The following PPM1E variants were observed in gnomAD, a reference collection of about 807,000 sequenced individuals.
PPM1E encodes protein phosphatase, Mg2+/Mn2+ dependent 1E.
PPM1E carries 20 observed loss-of-function variants against 65.9 expected under a neutral mutation model. The observed-to-expected ratio is 0.30, with a 90% CI of 0.21 to 0.44. PPM1E has a LOEUF of 0.44. Among genes scored for constraint, PPM1E ranks in the 20% least tolerant of loss-of-function variants. The pLI is 1.00. For missense variants in PPM1E, 713 were observed against 953.1 expected (o/e 0.75, Z 3.32); for synonymous variants, 352 against 374.9 (o/e 0.94, Z 0.70).
chr17:58,975,922 G>C (rs995205870), intron 6 of PPM1E, among the ~76,000 whole-genome samples: 1 of 152,130 alleles, frequency 6.6e-6, no homozygotes, highest in African/African-American at 2.4e-5. Flanking sequence ...GAGATGGATT[G>C]GTTGGTGGGA....
Position 58,983,189 on chromosome 17 carries a change from A to C in PPM1E, c.*2158A>C, listed in dbSNP as rs1032584320. On this transcript the variant is annotated 3_prime_UTR_variant, in exon 7 of 7. Coordinates refer to ENST00000308249, the MANE Select transcript of PPM1E (RefSeq NM_014906.5). ...TAGGTCCGACTACACAGCAGTGTTA[A>C]CTCATTTCTCATGCCATTAGCTCTC... 8 of 362,958 alleles carry C rather than the reference A, an allele frequency of 2.2e-5. No individual in the cohort carries two copies. Among genetic ancestry groups the C allele is most frequent in the Non-Finnish European group, 4.0e-5 (8 of 199,848 alleles). The allele number at this position is 362,958 out of a possible 1,614,324, so 22.5% of individuals were successfully genotyped here.
chr17:58,816,211 A>C (rs2050413365), intron 1 of PPM1E, among the ~76,000 whole-genome samples: 1 of 151,806 alleles, frequency 6.6e-6, no homozygotes, highest in South Asian at 2.1e-4. Flanking sequence ...TTTTTAGTAG[A>C]GTTGGGGTTT....
chr17:58,914,820 G>A (rs911268648), intron 1 of PPM1E, among the ~76,000 whole-genome samples: 1 of 152,106 alleles, frequency 6.6e-6, no homozygotes, highest in African/African-American at 2.4e-5. Context: ...TCATTAAAAA[G>A]TACACATAAT....
chr17:58,978,727 G>A (rs1196429616), intron 6 of PPM1E, among the ~76,000 whole-genome samples: 1 of 152,068 alleles, frequency 6.6e-6, no homozygotes, highest in African/African-American at 2.4e-5. Context: ...AGTGAATTGA[G>A]AGTCCCTTGT....
intron 1 of PPM1E, among the ~76,000 whole-genome samples, chr17:58,877,135 G>A (rs1447973309): frequency 6.6e-6 from 1 of 152,120 alleles, no homozygotes; most frequent in Non-Finnish European, 1.5e-5. Context: ...AATCTATGGC[G>A]TTTGAATTTA....
At chr17:58,901,479 G>A (rs1253749125) in intron 1 of PPM1E, among the ~76,000 whole-genome samples, 1 of 152,068 alleles carries the variant, frequency 6.6e-6, no homozygotes, top group Non-Finnish European at 1.5e-5. Context: ...TTCGAGACCA[G>A]CCTGGCCAAT....
chr17:58,870,293 T>G (rs2051055046), intron 1 of PPM1E, among the ~76,000 whole-genome samples: 1 of 152,242 alleles, frequency 6.6e-6, no homozygotes, highest in Non-Finnish European at 1.5e-5. Flanking sequence ...AGAAAGCTTC[T>G]AAGTACCATT....
intron 1 of PPM1E, among the ~76,000 whole-genome samples, chr17:58,866,221 G>T (rs940553514): frequency 6.6e-6 from 1 of 152,136 alleles, no homozygotes; most frequent in Non-Finnish European, 1.5e-5. Context: ...GGATGAATAG[G>T]TCAAAGAAAG....
At chr17:58,916,420 TGTCA>T (rs2051684032) in intron 1 of PPM1E, among the ~76,000 whole-genome samples, 1 of 152,196 alleles carries the variant, frequency 6.6e-6, no homozygotes, top group Admixed American at 6.5e-5. Context: ...TATGAATTCC[TGTCA>T]GTAAGAAATT....
chr17:58,896,104 G>A (rs954965534), intron 1 of PPM1E, among the ~76,000 whole-genome samples: 2 of 134,566 alleles, frequency 1.5e-5, no homozygotes, highest in Admixed American at 1.5e-4. Context: ...GACAGAGCAA[G>A]ACTCTGTCTC....
At chr17:58,959,667 TAAAA>T (rs76110788) in intron 2 of PPM1E, among the ~76,000 whole-genome samples, 1 of 115,218 alleles carries the variant, frequency 8.7e-6, no homozygotes. Context: ...GCACCCAGCC[TAAAA>T]AAAAAAAAAA....
chr17:58,960,486 A>G (rs2029995632), intron 2 of PPM1E, among the ~76,000 whole-genome samples: 1 of 152,192 alleles, frequency 6.6e-6, no homozygotes, highest in Non-Finnish European at 1.5e-5. Flanking sequence ...CAATTAAAGC[A>G]AAGTTCTGGC....
At chr17:58,917,764 A>T (rs1301992590) in intron 1 of PPM1E, among the ~76,000 whole-genome samples, 1 of 152,202 alleles carries the variant, frequency 6.6e-6, no homozygotes, top group Non-Finnish European at 1.5e-5. Flanking sequence ...GTGTAGAAAA[A>T]AGTTTTATAA....
At chr17:58,887,013 C>T (rs562576634) in intron 1 of PPM1E, among the ~76,000 whole-genome samples, 4 of 152,254 alleles carry the variant, frequency 2.6e-5, no homozygotes, top group East Asian at 3.9e-4. Flanking sequence ...ATAGGAATTA[C>T]ACTTTAAATT....
At chr17:58,761,547 G>A (rs910899419) in intron 1 of PPM1E, among the ~76,000 whole-genome samples, 1 of 152,094 alleles carries the variant, frequency 6.6e-6, no homozygotes, top group African/African-American at 2.4e-5. Context: ...TTCTTTGAAG[G>A]TATTGTGTTA....
rs763136290 is a variant in PPM1E at position 58,983,396 on chromosome 17, C to T, written c.*2365C>T. 6.5e-6 allele frequency: 1 copy of T among 153,224 alleles called. No individual in the cohort carries two copies. The highest frequency in any genetic ancestry group is 1.5e-5 in the Non-Finnish European group (1 of 68,494). 9.5% of individuals were successfully genotyped at this position (153,224 alleles called of 1,614,324 possible). ...GTGGTTATTGGTCTGATATATGCTG[C>T]TCTTGGTTCTATAAACTAGATAAAA... is the stretch of plus-strand genomic sequence containing the variant. On this transcript the variant is annotated 3_prime_UTR_variant, in exon 7 of 7. Coordinates refer to ENST00000308249, the MANE Select transcript of PPM1E (RefSeq NM_014906.5).
chr17:58,845,070 T>C (rs2050757576), intron 1 of PPM1E, among the ~76,000 whole-genome samples: 1 of 152,240 alleles, frequency 6.6e-6, no homozygotes, highest in African/African-American at 2.4e-5. Flanking sequence ...AAGCTTTGCC[T>C]GTGTCTGAAT....
chr17:58,964,352 C>A (rs1430735259), intron 2 of PPM1E, among the ~76,000 whole-genome samples: 1 of 151,996 alleles, frequency 6.6e-6, no homozygotes, highest in Non-Finnish European at 1.5e-5. Context: ...AAGTGGAGGG[C>A]AACTTGAGTG....
At chr17:58,900,672 A>G (rs760785406) in intron 1 of PPM1E, among the ~76,000 whole-genome samples, 3 of 152,124 alleles carry the variant, frequency 2.0e-5, no homozygotes, top group African/African-American at 7.2e-5. Context: ...CTGAACCCAC[A>G]CTAGCTTTGA....
Sources: gnomAD v4.1 joint callset for allele counts (sites outside exome capture counted in the v4.1 genomes callset) on GRCh38, gnomAD v4.1.1 for gene constraint, MANE v1.5 for transcripts, NCBI Gene and HGNC (gene_info 2026-07-23, HGNC 2026-07-21) for gene names.